FAM184A: variants seen among roughly 807,000 people sequenced by gnomAD.
FAM184A encodes the protein protein FAM184A.
A neutral mutation model predicts 143.8 loss-of-function variants in FAM184A; 99 were observed. That is an observed-to-expected ratio of 0.69 (90% confidence interval 0.58 to 0.81). FAM184A has a LOEUF of 0.81. Ranked by LOEUF, FAM184A falls within the 40% of genes least tolerant of loss-of-function variation. FAM184A has a pLI of 0.00. For synonymous variants in FAM184A, 427 were observed against 446.4 expected, an observed-to-expected ratio of 0.96 and a Z score of 0.55; for missense variants, 1,217 against 1,310.5, an observed-to-expected ratio of 0.93 and a Z score of 1.10.
intron 1 of FAM184A, among the ~76,000 whole-genome samples, chr6:119,132,984 A>G (rs1308866728): frequency 1.3e-5 from 2 of 152,250 alleles, no homozygotes; most frequent in African/African-American, 4.8e-5. Context: ...GAAATCAGAT[A>G]GGATTTGTTC....
chr6:119,122,555 G>A (rs1052438704), intron 1 of FAM184A, among the ~76,000 whole-genome samples: 6 of 152,114 alleles, frequency 3.9e-5, no homozygotes, highest in African/African-American at 7.2e-5. Flanking sequence ...GCTGTAAAAG[G>A]AGTCATGAAT....
chr6:119,146,533 C>T (rs9398503), intron 1 of FAM184A, among the ~76,000 whole-genome samples: 44,388 of 151,254 alleles, frequency 0.29, 7,036 homozygotes, highest in East Asian at 0.53. Context: ...TGGGCTCAAG[C>T]GATCCTCCTG....
intron 1 of FAM184A, among the ~76,000 whole-genome samples, chr6:119,111,788 G>A (rs546551636): frequency 6.6e-6 from 1 of 152,262 alleles, no homozygotes; most frequent in East Asian, 1.9e-4. Context: ...CAGGGAAGGA[G>A]GCAAGTTAGG....
At chr6:119,073,448 A>T (rs2114792771) in intron 1 of FAM184A, among the ~76,000 whole-genome samples, 1 of 152,354 alleles carries the variant, frequency 6.6e-6, no homozygotes, top group East Asian at 1.9e-4. Context: ...CAGAGACGAT[A>T]GAAATGACAT....
intron 1 of FAM184A, among the ~76,000 whole-genome samples, chr6:119,045,145 T>C (rs1239561379): frequency 6.6e-6 from 1 of 152,168 alleles, no homozygotes; most frequent in Non-Finnish European, 1.5e-5. Context: ...AAAAGTGACA[T>C]TCCTTCCCTC....
intron 1 of FAM184A, among the ~76,000 whole-genome samples, chr6:119,061,593 G>A (rs1787251901): frequency 7.7e-6 from 1 of 130,528 alleles, no homozygotes; most frequent in South Asian, 2.4e-4. Flanking sequence ...GCCCAGACTG[G>A]TGTTGAACTC....
Position 118,980,262 on chromosome 6 carries a change from C to T in FAM184A, c.2177G>A (p.Arg726Gln). 9 of 1,614,096 alleles carry T rather than the reference C, an allele frequency of 5.6e-6. No individual in the cohort carries two copies. Among genetic ancestry groups the T allele is most frequent in the East Asian group, 4.5e-5 (2 of 44,878 alleles). The change falls in exon 10 of 18, where the codon CGA becomes CAA. Residue 726 changes from arginine (R) to glutamine (Q), a missense_variant. Coordinates refer to ENST00000338891, the MANE Select transcript of FAM184A (RefSeq NM_024581.6). ...QQLQAQFTQE[R>Q]QRLTQELEEL... ...TTCAAGCTCTTGCGTAAGCCGCTGT[C>T]GTTCTTGCGTAAACTGGGCTTGCAG... is the stretch of plus-strand genomic sequence containing the variant.
At chr6:119,107,829 C>T (rs1382690438) in intron 1 of FAM184A, among the ~76,000 whole-genome samples, 1 of 150,858 alleles carries the variant, frequency 6.6e-6, no homozygotes, top group Non-Finnish European at 1.5e-5. Context: ...GTTCATTGGT[C>T]CTCAAGTTTC....
At chr6:118,998,448 G>A (rs982391971) in intron 9 of FAM184A, among the ~76,000 whole-genome samples, 15 of 152,210 alleles carry the variant, frequency 9.9e-5, no homozygotes, top group Admixed American at 2.0e-4. Flanking sequence ...TCCAGGTCTC[G>A]TGGAACTTAC....
At chr6:119,080,948 C>G (rs1157950810), upstream of FAM184A, among the ~76,000 whole-genome samples, 2 of 152,116 alleles carry the variant, frequency 1.3e-5, no homozygotes, top group Non-Finnish European at 2.9e-5. Context: ...GGGAAACTTA[C>G]AATCATGGCA....
At chr6:119,086,561 G>T (rs1444548681) in intron 1 of FAM184A, among the ~76,000 whole-genome samples, 1 of 152,134 alleles carries the variant, frequency 6.6e-6, no homozygotes, top group East Asian at 1.9e-4. Context: ...TTAGATGAGA[G>T]CATGACCTAT....
chr6:119,127,830 GCATT>G (rs112401976), intron 1 of FAM184A, among the ~76,000 whole-genome samples: 3 of 152,110 alleles, frequency 2.0e-5, no homozygotes, highest in African/African-American at 2.4e-5. Flanking sequence ...CATCATTCAT[GCATT>G]CATTCATTCA....
chr6:118,980,409 C>G, intron 9 of FAM184A, 59 bp from the exon 10 acceptor site: 1 of 1,328,996 alleles, frequency 7.5e-7, no homozygotes, highest in South Asian at 1.2e-5. Context: ...CACAAACTAC[C>G]CAGCAAAGGG....
chr6:119,128,868 G>C (rs1430374050), intron 1 of FAM184A, among the ~76,000 whole-genome samples: 5 of 125,988 alleles, frequency 4.0e-5, no homozygotes, highest in African/African-American at 1.5e-4. Context: ...ATTCTGTAGA[G>C]AATCCCCTTC....
At chr6:118,965,213 T>G (rs1229676317) in intron 15 of FAM184A, among the ~76,000 whole-genome samples, 1 of 146,870 alleles carries the variant, frequency 6.8e-6, no homozygotes, top group African/African-American at 2.5e-5. Flanking sequence ...TTGTTTTTTT[T>G]TTTTTTTTGG....
chr6:119,079,800 G>T (rs959406285), upstream of FAM184A, among the ~76,000 whole-genome samples: 1 of 152,196 alleles, frequency 6.6e-6, no homozygotes. Context: ...TAAACAAGGT[G>T]AAGGTTTAAT....
intron 1 of FAM184A, among the ~76,000 whole-genome samples, chr6:119,039,417 C>G (rs1362923535): frequency 1.3e-5 from 2 of 152,122 alleles, no homozygotes; most frequent in Admixed American, 6.5e-5. Flanking sequence ...TAAACTGATC[C>G]AGACGATGGA....
chr6:118,971,511 C>T (rs1258770431), intron 14 of FAM184A, among the ~76,000 whole-genome samples: 1 of 151,978 alleles, frequency 6.6e-6, no homozygotes, highest in East Asian at 1.9e-4. Context: ...TTTCATTTAG[C>T]TTGAACTTTC....
At chr6:119,118,663 A>G (rs1789124677) in intron 1 of FAM184A, among the ~76,000 whole-genome samples, 1 of 152,226 alleles carries the variant, frequency 6.6e-6, no homozygotes, top group Non-Finnish European at 1.5e-5. Context: ...GTGATTTCCT[A>G]TGCCTATCTT....
Sources: gnomAD v4.1 joint callset for allele counts (sites outside exome capture counted in the v4.1 genomes callset) on GRCh38, gnomAD v4.1.1 for gene constraint, MANE v1.5 for transcripts, NCBI Gene and HGNC (gene_info 2026-07-23, HGNC 2026-07-21) for gene names.